The following CCDC127 variants were observed in gnomAD, a reference collection of about 807,000 sequenced individuals.
CCDC127 encodes coiled-coil domain containing 127.
A neutral mutation model predicts 4.1 loss-of-function variants in CCDC127; 2 were observed. The observed-to-expected ratio is 0.49, with a 90% CI of 0.20 to 1.53. The LOEUF (loss-of-function observed/expected upper bound fraction) is 1.53, where lower values mean the gene tolerates loss of function less well. Among genes scored for constraint, CCDC127 ranks in the 40% most tolerant of loss-of-function variants. CCDC127 has a pLI of 0.23. For synonymous variants in CCDC127, 98 were observed against 120.4 expected (o/e 0.81, Z 1.22); for missense variants, 271 against 322.9 (o/e 0.84, Z 1.23).
rs1382615189 is a variant in CCDC127 at position 197,212 on chromosome 5, T to G, written c.*8085A>C. 6.6e-6 allele frequency: 1 copy of G among 152,228 alleles called. No individual in the cohort carries two copies. Among genetic ancestry groups the G allele is most frequent in the Non-Finnish European group, 1.5e-5 (1 of 68,044 alleles). The allele number at this position is 152,228 out of a possible 1,614,324, so 9.4% of individuals were successfully genotyped here. On this transcript the variant is annotated 3_prime_UTR_variant, in exon 3 of 3. Transcript: ENST00000296824. ...CCGCCACAAGGCGGCTTTTCTCCTG[T>G]CTCAGAGTTGAACAAATGTACAATC...
chr5:197,032 A>C lies in CCDC127; in HGVS notation c.*8265T>G. 1 of 149,720 alleles carries C rather than the reference A, an allele frequency of 6.7e-6. No individual in the cohort carries two copies. The highest frequency in any genetic ancestry group is 2.5e-5 in the African/African-American group (1 of 39,328). 9.3% of individuals were successfully genotyped at this position (149,720 alleles called of 1,614,324 possible). A position where few individuals can be genotyped will look rare whatever the true frequency, so the allele number is the denominator to read the frequency against. ...TGATAATAAGGAGGAGGTCAGCAAA[A>C]ACGTGTGAGCAAAAGAATCTATGTC... On this transcript the variant is annotated 3_prime_UTR_variant, in exon 3 of 3. Transcript: ENST00000296824.
intron 2 of CCDC127, among the ~76,000 whole-genome samples, chr5:209,885 C>A (rs60240282): frequency 0.013 from 2,001 of 149,338 alleles, 42 homozygotes; most frequent in African/African-American, 0.046. Flanking sequence ...CAATTGAAAC[C>A]AAAAAAAAAC....
At position 201,735 on chromosome 5, in the gene CCDC127, A is replaced by G. The variant is rs889624403; in HGVS notation, c.*3562T>C. The G allele has an allele frequency of 6.6e-6, 1 of 152,222 alleles. No individual in the cohort carries two copies. The highest frequency in any genetic ancestry group is 2.4e-5 in the African/African-American group (1 of 41,446). 9.4% of individuals were successfully genotyped at this position (152,222 alleles called of 1,614,324 possible). The stretch of plus-strand genomic sequence containing the variant: ...GAACTTCATTCCAAAGTCAAGTCTG[A>G]AGCAAGCGAAATTAGAAAGTACAAT... On this transcript the variant is annotated 3_prime_UTR_variant, in exon 3 of 3. Coordinates refer to ENST00000296824, the MANE Select transcript of CCDC127 (RefSeq NM_145265.3).
In CCDC127 at chr5:203,018, A is replaced by C. The variant is rs920398242; in HGVS notation, c.*2279T>G. 3.9e-5 allele frequency: 6 copies of C among 152,178 alleles called. No homozygotes were observed. Among genetic ancestry groups the C allele is most frequent in the Non-Finnish European group, 8.8e-5 (6 of 68,076 alleles). 9.4% of individuals were successfully genotyped at this position (152,178 alleles called of 1,614,324 possible). A position where few individuals can be genotyped will look rare whatever the true frequency, so the allele number is the denominator to read the frequency against. On this transcript the variant is annotated 3_prime_UTR_variant, in exon 3 of 3. Transcript: ENST00000296824. ...GAGGCCGAGGTGGGGGCGGTGGATC[A>C]CCTGAGGTCAGCAGTTCGAGACCAG...
chr5:207,561 A>G (rs974325769), intron 2 of CCDC127, among the ~76,000 whole-genome samples: 4 of 152,292 alleles, frequency 2.6e-5, no homozygotes, highest in Non-Finnish European at 4.4e-5. Context: ...AAATTAAACG[A>G]GCAAGGCAGG....
Position 205,759 on chromosome 5 carries a change from G to A in CCDC127, c.321C>T (p.Ile107=), listed in dbSNP as rs1286894875. 1 of 1,614,134 alleles carries A rather than the reference G, an allele frequency of 6.2e-7. No individual in the cohort carries two copies. The highest frequency in any genetic ancestry group is 1.1e-5 in the South Asian group (1 of 91,070). The change falls in exon 3 of 3, where the codon ATC becomes ATT. Residue 107 remains isoleucine, a synonymous_variant. Coordinates refer to ENST00000296824, the MANE Select transcript of CCDC127 (RefSeq NM_145265.3). ...NRTASYREAL[I]SQGRKLVEEK... is the part of the protein sequence containing the mutation. Reference sequence around the variant, plus strand: ...CTTCTACCAACTTGCGTCCCTGAGAGATAAGGGCTTCTCGGTAACTAGCAG... The same window carrying A: ...CTTCTACCAACTTGCGTCCCTGAGAAATAAGGGCTTCTCGGTAACTAGCAG...
chr5:215,629 C>T (rs1213711292), intron 2 of CCDC127: 1 of 151,992 alleles, frequency 6.6e-6, no homozygotes, highest in Non-Finnish European at 1.5e-5. Flanking sequence ...CTGTCTTTCA[C>T]CAAGAAGCAA....
Position 205,558 on chromosome 5 carries a change from G to A in CCDC127, c.522C>T (p.Cys174=), listed in dbSNP as rs1734154689. 1.9e-6 allele frequency: 3 copies of A among 1,614,102 alleles called. No homozygotes were observed. The highest frequency in any genetic ancestry group is 2.5e-6 in the Non-Finnish European group (3 of 1,180,038). The change falls in exon 3 of 3, where the codon TGC becomes TGT. Residue 174 remains cysteine (C), a synonymous_variant. Coordinates refer to ENST00000296824, the MANE Select transcript of CCDC127 (RefSeq NM_145265.3). The part of the protein sequence containing the change: ...AVLTERQNIY[C]SLFLPRSKRL... ...GCTTGCTGCGAGGAAGAAACAGACT[G>A]CAGTAGATATTCTGTCTTTCTGTGA...
rs1734126192 is a variant in CCDC127 at position 204,298 on chromosome 5, G to C, written c.*999C>G. On this transcript the variant is annotated 3_prime_UTR_variant, in exon 3 of 3. Transcript: ENST00000296824. The stretch of plus-strand genomic sequence containing the variant: ...TCTCCCAGCAGGTCACGCACCTGGG[G>C]GCTGGCCTTGGGGCACCTCCGCAAA... 1 of 152,244 alleles carries C rather than the reference G, an allele frequency of 6.6e-6. No homozygotes were observed. Among genetic ancestry groups the C allele is most frequent in the Non-Finnish European group, 1.5e-5 (1 of 68,104 alleles). The allele number at this position is 152,244 out of a possible 1,614,324, so 9.4% of individuals were successfully genotyped here.
In CCDC127 at chr5:199,347, CCT is replaced by C. The variant is rs1734028427; in HGVS notation, c.*5948_*5949del. 1 of 160,034 alleles carries C rather than the reference CCT, an allele frequency of 6.2e-6. No homozygotes were observed. The highest frequency in any genetic ancestry group is 1.4e-5 in the Non-Finnish European group (1 of 73,926). 9.9% of individuals were successfully genotyped at this position (160,034 alleles called of 1,614,324 possible). A position where few individuals can be genotyped will look rare whatever the true frequency, so the allele number is the denominator to read the frequency against. On this transcript the variant is annotated 3_prime_UTR_variant, in exon 3 of 3. Transcript: ENST00000296824. ...GTGGCCCCTCTGTGTGGACGTGGCC[CCT>C]CTGTGTGGTGGACGTGGCCAAGGGC... is the stretch of plus-strand genomic sequence containing the variant.
At chr5:213,995 C>CA (rs1362145020) in intron 2 of CCDC127, 20 of 152,192 alleles carry the variant, frequency 1.3e-4, no homozygotes, top group Admixed American at 1.3e-3. Context: ...TCATAAAACA[C>CA]GACTCAGCAA....
At position 203,949 on chromosome 5, in the gene CCDC127, G is replaced by C. The variant is rs1734119601; in HGVS notation, c.*1348C>G. On this transcript the variant is annotated 3_prime_UTR_variant, in exon 3 of 3. Coordinates refer to ENST00000296824, the MANE Select transcript of CCDC127 (RefSeq NM_145265.3). ...AACTCGGATTCTGGGAGACTTCCCAGCACCATTAACTCCTACGCGTGGCTC... is the reference window on the plus strand; with the variant it reads ...AACTCGGATTCTGGGAGACTTCCCACCACCATTAACTCCTACGCGTGGCTC... 6.6e-6 allele frequency: 1 copy of C among 152,278 alleles called. No homozygotes were observed. The highest frequency in any genetic ancestry group is 2.1e-4 in the South Asian group (1 of 4,834). 9.4% of individuals were successfully genotyped at this position (152,278 alleles called of 1,614,324 possible). A position where few individuals can be genotyped will look rare whatever the true frequency, so the allele number is the denominator to read the frequency against.
chr5:205,849 C>T lies in CCDC127; in HGVS notation c.231G>A (p.Met77Ile). 1.9e-6 allele frequency: 3 copies of T among 1,614,196 alleles called. No homozygotes were observed. The highest frequency in any genetic ancestry group is 2.5e-6 in the Non-Finnish European group (3 of 1,180,044). ...QQDLEAKYHA[M>I]ISENRRAVAQ... ...CGACAGCACGCCGATTTTCTGAGAT[C>T]ATGGCGTGGTACTTGGCTTCCAGAT... The change falls in exon 3 of 3, where the codon ATG (methionine) becomes ATA (isoleucine). Residue 77 changes from methionine (M) to isoleucine (I), a missense_variant. Met to Ile is a conservative substitution (Grantham distance 10). Around this residue, in one of 2 missense-constraint regions of CCDC127, gnomAD observed 265 missense variants for 270.9 expected, o/e 0.98. Transcript: ENST00000296824.
chr5:217,875 T>C (rs1185155972), intron 1 of CCDC127, among the ~76,000 whole-genome samples: 1 of 152,212 alleles, frequency 6.6e-6, no homozygotes, highest in Non-Finnish European at 1.5e-5. Context: ...ACACACACAA[T>C]TACAAAATAG....
chr5:217,684 C>A (rs1161808258), intron 1 of CCDC127, among the ~76,000 whole-genome samples: 1 of 151,768 alleles, frequency 6.6e-6, no homozygotes, highest in Non-Finnish European at 1.5e-5. Flanking sequence ...GAGGCCTCCT[C>A]GTGGTGGTGA....
rs111436099 is a variant in CCDC127 at position 204,975 on chromosome 5, T to C, written c.*322A>G. 1,314 of 217,102 alleles carry C rather than the reference T, an allele frequency of 6.1e-3. 28 individuals carry two copies. Among genetic ancestry groups the C allele is most frequent in the African/African-American group, 0.028 (1,237 of 43,994 alleles). 13.4% of individuals were successfully genotyped at this position (217,102 alleles called of 1,614,324 possible). A position where few individuals can be genotyped will look rare whatever the true frequency, so the allele number is the denominator to read the frequency against. ...AAATTACTTGTGGTAAGGACCAGTATTGTATTTGACTTTTTAAAAAACCAT... is the reference window on the plus strand; with the variant it reads ...AAATTACTTGTGGTAAGGACCAGTACTGTATTTGACTTTTTAAAAAACCAT... On this transcript the variant is annotated 3_prime_UTR_variant, in exon 3 of 3. Transcript: ENST00000296824.
intron 2 of CCDC127, among the ~76,000 whole-genome samples, chr5:206,330 G>A (rs535125031): frequency 7.4e-5 from 11 of 148,102 alleles, no homozygotes; most frequent in Non-Finnish European, 1.5e-4. Flanking sequence ...TTGCCCGGTG[G>A]CGACTAGTAA....
rs145452150 is a variant in CCDC127 at position 205,852 on chromosome 5, G to T, written c.228C>A (p.Ala76=). The change falls in exon 3 of 3, where the codon GCC becomes GCA. Residue 76 remains alanine, a synonymous_variant. Transcript: ENST00000296824. ...CAGCACGCCGATTTTCTGAGATCAT[G>T]GCGTGGTACTTGGCTTCCAGATCCT... ...FQQDLEAKYH[A]MISENRRAVA... 1.5e-4 allele frequency: 248 copies of T among 1,614,040 alleles called. No individual in the cohort carries two copies. Among genetic ancestry groups the T allele is most frequent in the Non-Finnish European group, 5.8e-5 (69 of 1,180,034 alleles).
intron 2 of CCDC127, 63 bp from the exon 3 acceptor site, chr5:206,021 A>G (rs1392300994): frequency 7.0e-7 from 1 of 1,423,820 alleles, no homozygotes; most frequent in Non-Finnish European, 9.6e-7. Flanking sequence ...TATAATCCTC[A>G]CTTAAATCAT....
Sources: allele counts gnomAD v4.1 joint callset (sites outside exome capture counted in the v4.1 genomes callset), GRCh38; gene constraint gnomAD v4.1.1; regional missense constraint gnomAD v4.1.1; transcripts MANE v1.5; gene names NCBI Gene and HGNC (gene_info 2026-07-23, HGNC 2026-07-21).